The following CHST9 variants were observed in gnomAD, a reference collection of about 807,000 sequenced individuals.
The protein encoded by CHST9 is GalNAc-4-sulfotransferase 2.
In CHST9, 41 loss-of-function variants were observed where a neutral mutation model predicts 44.4. That is an observed-to-expected ratio of 0.92 (90% CI 0.72 to 1.20). The LOEUF is 1.20. Ranked by LOEUF, CHST9 falls within the 50% of genes most tolerant of loss-of-function variation. The probability of loss-of-function intolerance (pLI) is 0.00; values close to 1 mark genes in which losing one functional copy is unlikely to be tolerated. For missense variants in CHST9, 504 were observed against 516.5 expected (o/e 0.98, Z 0.23); for synonymous variants, 171 against 178.4 (o/e 0.96, Z 0.33).
chr18:27,137,225 T>C (rs1348773747), intron 2 of CHST9, among the ~76,000 whole-genome samples: 10 of 151,152 alleles, frequency 6.6e-5, no homozygotes, highest in Non-Finnish European at 1.5e-5. Context: ...TTATTATTTA[T>C]TAATTATATT....
intron 3 of CHST9, among the ~76,000 whole-genome samples, chr18:27,030,170 G>T (rs1167328851): frequency 2.6e-5 from 4 of 152,146 alleles, no homozygotes; most frequent in Non-Finnish European, 5.9e-5. Context: ...TCATAAAAAG[G>T]TCAAGCTCTC....
In CHST9 at chr18:26,925,309, G is replaced by A. The variant is rs1281865602; in HGVS notation, c.241-7959C>T. ...TTGTTTGCCTAGTTAATAGACTAGGGGGCATGGAGCAAGCTGGTTTAATCA... is the reference window on the plus strand; with the variant it reads ...TTGTTTGCCTAGTTAATAGACTAGGAGGCATGGAGCAAGCTGGTTTAATCA... On this transcript the variant is annotated intron_variant, in intron 5 of 5. Transcript: ENST00000618847. Among the ~76,000 whole-genome samples, 26 of 51,470 alleles carry A rather than the reference G, an allele frequency of 5.1e-4. No individual in the cohort carries two copies. In the East Asian group the frequency reaches 0.045, roughly 89 times the overall value. 33.8% of individuals were successfully genotyped at this position (51,470 alleles called of 152,430 possible). A position where few individuals can be genotyped will look rare whatever the true frequency, so the allele number is the denominator to read the frequency against.
chr18:27,138,610 G>A (rs2058537571), intron 2 of CHST9, among the ~76,000 whole-genome samples: 1 of 152,166 alleles, frequency 6.6e-6, no homozygotes, highest in Non-Finnish European at 1.5e-5. Context: ...CAAGTTTTCA[G>A]ATGTTCTGCG....
chr18:27,122,915 A>T (rs916889875), intron 2 of CHST9, among the ~76,000 whole-genome samples: 1 of 152,142 alleles, frequency 6.6e-6, no homozygotes, highest in African/African-American at 2.4e-5. Flanking sequence ...GCTGGAAGGA[A>T]ACTTGAACAA....
intron 2 of CHST9, among the ~76,000 whole-genome samples, chr18:27,120,609 T>C (rs185170884): frequency 1.3e-5 from 2 of 152,218 alleles, no homozygotes; most frequent in Admixed American, 6.5e-5. Flanking sequence ...CGTGTGATTA[T>C]GATCTGAAGG....
At chr18:27,088,000 C>T (rs910658439) in intron 2 of CHST9, among the ~76,000 whole-genome samples, 2 of 152,198 alleles carry the variant, frequency 1.3e-5, no homozygotes, top group Admixed American at 6.5e-5. Context: ...AAAAGCCAAA[C>T]GCTCCTTTTC....
intron 4 of CHST9, among the ~76,000 whole-genome samples, chr18:27,012,717 G>T (rs2057099588): frequency 6.6e-6 from 1 of 152,122 alleles, no homozygotes; most frequent in Admixed American, 6.5e-5. Context: ...AAATCACACA[G>T]ACAGGATGTA....
At chr18:27,020,106 A>C (rs74930418) in intron 4 of CHST9, among the ~76,000 whole-genome samples, 1,994 of 152,326 alleles carry the variant, frequency 0.013, 45 homozygotes, top group African/African-American at 0.045. Flanking sequence ...CTGGCATGAC[A>C]CTAGGAGATT....
chr18:27,054,608 T>C (rs4411581), intron 2 of CHST9, among the ~76,000 whole-genome samples: 118,655 of 152,126 alleles, frequency 0.78, 46,421 homozygotes, highest in African/African-American at 0.81. Context: ...CATGGAGAAA[T>C]ATTACATATA....
rs1443475718 is a variant in CHST9 at position 26,915,227 on chromosome 18, C to T, written c.*1032G>A. 3.0e-5 allele frequency: 11 copies of T among 365,200 alleles called. No individual in the cohort carries two copies. The highest frequency in any genetic ancestry group is 2.1e-4 in the African/African-American group (10 of 47,844). 22.6% of individuals were successfully genotyped at this position (365,200 alleles called of 1,614,324 possible). On this transcript the variant is annotated 3_prime_UTR_variant, in exon 6 of 6. Transcript: ENST00000618847. ...TTTATGTTTATTCTCTAGAACATAA[C>T]CTATCTTTGAAGTGGTATATTAGTT...
chr18:27,169,204 T>C (rs1274444074), intron 1 of CHST9, among the ~76,000 whole-genome samples: 1 of 152,226 alleles, frequency 6.6e-6, no homozygotes, highest in Non-Finnish European at 1.5e-5. Context: ...GATATATGTA[T>C]GTTGTTTCAA....
At chr18:27,137,359 G>C (rs1432511328) in intron 2 of CHST9, among the ~76,000 whole-genome samples, 1 of 146,998 alleles carries the variant, frequency 6.8e-6, no homozygotes, top group African/African-American at 2.5e-5. Flanking sequence ...TGTGTGTATA[G>C]AGAGAGAGAG....
At chr18:27,007,132 T>C (rs767066480) in intron 4 of CHST9, among the ~76,000 whole-genome samples, 1 of 152,180 alleles carries the variant, frequency 6.6e-6, no homozygotes, top group East Asian at 1.9e-4. Flanking sequence ...CACTAAAATA[T>C]GAATAGTTGA....
At chr18:27,109,216 C>G (rs1037433117) in intron 2 of CHST9, among the ~76,000 whole-genome samples, 1 of 152,244 alleles carries the variant, frequency 6.6e-6, no homozygotes, top group East Asian at 1.9e-4. Flanking sequence ...ATGCCCACAC[C>G]TGGGATGGCC....
At chr18:27,161,127 CTTAGTTATTTCT>C (rs2058743586) in intron 1 of CHST9, among the ~76,000 whole-genome samples, 1 of 151,992 alleles carries the variant, frequency 6.6e-6, no homozygotes, top group African/African-American at 2.4e-5. Flanking sequence ...CTGCTCTGAT[CTTAGTTATTTCT>C]TGCCTTCTGC....
chr18:27,179,510 TA>T (rs2058894892), intron 1 of CHST9, among the ~76,000 whole-genome samples: 1 of 152,096 alleles, frequency 6.6e-6, no homozygotes, highest in Non-Finnish European at 1.5e-5. Context: ...CAGAATATTT[TA>T]GGTAGGACTG....
chr18:27,099,445 A>G (rs1319657961), intron 2 of CHST9, among the ~76,000 whole-genome samples: 2 of 152,188 alleles, frequency 1.3e-5, no homozygotes, highest in African/African-American at 4.8e-5. Flanking sequence ...TGCATCCAAC[A>G]AAGGTCTAAT....
intron 4 of CHST9, among the ~76,000 whole-genome samples, chr18:26,972,357 CAAAAAA>C (rs887066938): frequency 3.1e-5 from 2 of 65,246 alleles, no homozygotes; most frequent in African/African-American, 5.5e-5. Context: ...ACTCCAACTC[CAAAAAA>C]AAAAAAAAAA....
At chr18:26,961,473 AG>A (rs2056399207) in intron 4 of CHST9, among the ~76,000 whole-genome samples, 1 of 151,532 alleles carries the variant, frequency 6.6e-6, no homozygotes, top group Non-Finnish European at 1.5e-5. Context: ...TCCATTGCCC[AG>A]GCTGGAGTGC....
Sources: allele counts gnomAD v4.1 joint callset (sites outside exome capture counted in the v4.1 genomes callset), GRCh38; gene constraint gnomAD v4.1.1; transcripts MANE v1.5; gene names NCBI Gene and HGNC (gene_info 2026-07-23, HGNC 2026-07-21).